Variants in PXDNL observed in about 807,000 individuals in gnomAD.
PXDNL encodes the protein peroxidasin like, also known as probable oxidoreductase PXDNL.
PXDNL carries 145 observed loss-of-function variants against 150.8 expected under a neutral mutation model. The observed-to-expected ratio is 0.96, with a 90% CI of 0.84 to 1.10. PXDNL has a LOEUF of 1.10. Ranked by LOEUF, PXDNL falls within the 50% of genes least tolerant of loss-of-function variation. The pLI, the probability that PXDNL is intolerant of heterozygous loss-of-function variation, is 0.00. For synonymous variants in PXDNL, 757 were observed against 725.7 expected (o/e 1.04, Z -0.69); for missense variants, 2,087 against 1,873.9 (o/e 1.11, Z -2.10).
At chr8:51,388,146 C>CTAT (rs1807778835) in intron 17 of PXDNL, among the ~76,000 whole-genome samples, 1 of 152,064 alleles carries the variant, frequency 6.6e-6, no homozygotes. Flanking sequence ...AACTCAGAAA[C>CTAT]TATTAAAAGT....
Position 51,680,462 on chromosome 8 carries a change from T to A in PXDNL, c.165-25702A>T, listed in dbSNP as rs189638570. 3.8e-3 allele frequency among the ~76,000 whole-genome samples: 579 copies of A among 152,322 alleles called. 4 individuals carry two copies. The highest frequency in any genetic ancestry group is 0.012 in the African/African-American group (511 of 41,566). On this transcript the variant is annotated intron_variant, in intron 1 of 22. Coordinates refer to ENST00000356297, the MANE Select transcript of PXDNL (RefSeq NM_144651.5). ...TGAAGGTGTATTACAGAGAAAAAAATTGTTTCTTGATATATTTAATCTTGT... is the reference window on the plus strand; with the variant it reads ...TGAAGGTGTATTACAGAGAAAAAAAATGTTTCTTGATATATTTAATCTTGT...
chr8:51,597,420 T>A (rs947034536), intron 2 of PXDNL, among the ~76,000 whole-genome samples: 6 of 152,202 alleles, frequency 3.9e-5, no homozygotes, highest in African/African-American at 1.4e-4. Context: ...TAGAATAGTT[T>A]TTTTCCAATT....
intron 5 of PXDNL, 72 bp downstream of exon 5, chr8:51,499,627 G>A (rs1000719809): frequency 1.6e-5 from 19 of 1,153,624 alleles, no homozygotes; most frequent in African/African-American, 1.2e-4. Flanking sequence ...TGATCTCCAC[G>A]GCAGTCAGAT....
chr8:51,533,307 C>G (rs966757015), intron 4 of PXDNL, among the ~76,000 whole-genome samples: 1 of 152,000 alleles, frequency 6.6e-6, no homozygotes, highest in Non-Finnish European at 1.5e-5. Context: ...TGCACCACCA[C>G]GCCTGGCTAA....
intron 1 of PXDNL, among the ~76,000 whole-genome samples, chr8:51,778,690 G>T (rs2037381399): frequency 6.6e-6 from 1 of 152,178 alleles, no homozygotes; most frequent in Admixed American, 6.6e-5. Flanking sequence ...GCTCAAGTCA[G>T]CTAGACTTAA....
chr8:51,678,891 A>C (rs943544130), intron 1 of PXDNL, among the ~76,000 whole-genome samples: 13 of 152,230 alleles, frequency 8.5e-5, no homozygotes, highest in Non-Finnish European at 1.9e-4. Flanking sequence ...TACTTATTTT[A>C]ACTGGATTGT....
chr8:51,565,558 A>T (rs1812809605), intron 3 of PXDNL, among the ~76,000 whole-genome samples: 1 of 151,702 alleles, frequency 6.6e-6, no homozygotes, highest in Admixed American at 6.6e-5. Context: ...TGTGTGAATA[A>T]GTATAAAAAA....
intron 19 of PXDNL, among the ~76,000 whole-genome samples, chr8:51,346,555 C>T (rs184146701): frequency 3.3e-5 from 5 of 152,094 alleles, no homozygotes; most frequent in Non-Finnish European, 5.9e-5. Flanking sequence ...TACGGATATC[C>T]CCCTCAAACC....
intron 21 of PXDNL, among the ~76,000 whole-genome samples, chr8:51,327,811 A>G (rs1358313226): frequency 6.6e-6 from 1 of 152,210 alleles, no homozygotes; most frequent in Non-Finnish European, 1.5e-5. Flanking sequence ...AATTGGACAC[A>G]CTGAAAATCA....
rs774179508 is a variant in PXDNL at position 51,556,697 on chromosome 8, C to T, written c.380+143G>A. On this transcript the variant is annotated intron_variant, in intron 4 of 22. Coordinates refer to ENST00000356297, the MANE Select transcript of PXDNL (RefSeq NM_144651.5). ...CTCAATCATACATTCTGATTTTTAT[C>T]CAACTGATGACAGATATTCAATCAT... 460 of 622,338 alleles carry T rather than the reference C, an allele frequency of 7.4e-4. 7 individuals carry two copies. The highest frequency in any genetic ancestry group is 3.1e-3 in the Middle Eastern group (7 of 2,268). The allele number at this position is 622,338 out of a possible 1,614,324, so 38.6% of individuals were successfully genotyped here. A position where few individuals can be genotyped will look rare whatever the true frequency, so the allele number is the denominator to read the frequency against.
intron 1 of PXDNL, among the ~76,000 whole-genome samples, chr8:51,713,960 T>G (rs569712240): frequency 6.6e-6 from 1 of 152,228 alleles, no homozygotes; most frequent in Non-Finnish European, 1.5e-5. Context: ...AAAATCCATA[T>G]AAATAAAACC....
At chr8:51,390,949 T>G (rs1244510548) in intron 17 of PXDNL, among the ~76,000 whole-genome samples, 2 of 152,040 alleles carry the variant, frequency 1.3e-5, no homozygotes, top group African/African-American at 4.8e-5. Flanking sequence ...CCTGTGTCCA[T>G]GTGTTCTCAC....
intron 12 of PXDNL, among the ~76,000 whole-genome samples, chr8:51,430,000 G>T (rs1224647926): frequency 6.6e-6 from 1 of 152,110 alleles, no homozygotes; most frequent in African/African-American, 2.4e-5. Flanking sequence ...ACCAGGGTCA[G>T]CCTACGTGCC....
At chr8:51,419,802 A>G (rs1272891176) in intron 14 of PXDNL, among the ~76,000 whole-genome samples, 1 of 152,234 alleles carries the variant, frequency 6.6e-6, no homozygotes, top group Non-Finnish European at 1.5e-5. Context: ...GATACAAAAT[A>G]TTATCTAGAA....
rs530023897 is a variant in PXDNL at position 51,403,784 on chromosome 8, G to A, written c.3557+4283C>T. ...CTCCGATGTTATGGTATTAATAAGC[G>A]GGGCCTTAGGTGGTGATTAGGTCAT... is the stretch of plus-strand genomic sequence containing the variant. On this transcript the variant is annotated intron_variant, in intron 17 of 22. Transcript: ENST00000356297. Among the ~76,000 whole-genome samples, 20 of 152,230 alleles carry A rather than the reference G, an allele frequency of 1.3e-4. No individual in the cohort carries two copies. The South Asian group carries it at 2.3e-3, about 17-fold the overall frequency.
intron 5 of PXDNL, among the ~76,000 whole-genome samples, chr8:51,485,646 C>A (rs1040458061): frequency 2.6e-5 from 4 of 152,278 alleles, no homozygotes; most frequent in African/African-American, 4.8e-5. Context: ...AATTTTCCAT[C>A]CATTGGCTCC....
At chr8:51,339,532 G>C (rs146280543) in intron 21 of PXDNL, 92 bp downstream of exon 21, 756 of 1,256,374 alleles carry the variant, frequency 6.0e-4, no homozygotes, top group Middle Eastern at 1.2e-3. Context: ...CTGATACTGT[G>C]CTGTAATTGT....
intron 2 of PXDNL, among the ~76,000 whole-genome samples, chr8:51,638,540 G>A (rs563595091): frequency 6.6e-6 from 1 of 152,010 alleles, no homozygotes; most frequent in Non-Finnish European, 1.5e-5. Flanking sequence ...AAAAAGGCAG[G>A]GGTTGCAATC....
chr8:51,390,017 C>A (rs1807845207), intron 17 of PXDNL, among the ~76,000 whole-genome samples: 2 of 151,702 alleles, frequency 1.3e-5, no homozygotes, highest in African/African-American at 2.4e-5. Context: ...ATTAAAAATA[C>A]AAAATAAGCT....
Sources: allele counts gnomAD v4.1 joint callset (sites outside exome capture counted in the v4.1 genomes callset), GRCh38; gene constraint gnomAD v4.1.1; transcripts MANE v1.5; gene names NCBI Gene and HGNC (gene_info 2026-07-23, HGNC 2026-07-21).